PAK5: variants seen among roughly 807,000 people sequenced by gnomAD.
The protein encoded by PAK5 is serine/threonine-protein kinase PAK 5.
Under a neutral mutation model 65.9 loss-of-function variants are expected in PAK5, and 16 were observed. That is an observed-to-expected ratio of 0.24 (90% CI 0.16 to 0.37). The LOEUF (loss-of-function observed/expected upper bound fraction) is 0.37. PAK5 is among the 10% of genes least tolerant of loss of function. The pLI is 1.00. For missense variants in PAK5, 785 were observed against 903.9 expected, an observed-to-expected ratio of 0.87 and a Z score of 1.69; for synonymous variants, 371 against 354.9, an observed-to-expected ratio of 1.05 and a Z score of -0.51.
At chr20:9,641,557 G>A (rs531971596) in intron 3 of PAK5, among the ~76,000 whole-genome samples, 4 of 151,852 alleles carry the variant, frequency 2.6e-5, no homozygotes, top group Non-Finnish European at 5.9e-5. Context: ...GGCTGCAGGT[G>A]GAGCTGCCTG....
rs527669729 is a variant in PAK5, at chr20:9,554,478, T to C, written c.1743+3130A>G. On this transcript the variant is annotated intron_variant, in intron 7 of 9. Coordinates refer to ENST00000353224, the MANE Select transcript of PAK5 (RefSeq NM_177990.4). ...CATGTGAGTGAGGATGACTTCCAGA[T>C]AACTCTGGCCCCAGGCATTATCTAA... Among the ~76,000 whole-genome samples, 8 of 152,274 alleles carry C rather than the reference T, an allele frequency of 5.3e-5. No individual in the cohort carries two copies. The East Asian group carries it at 1.4e-3, about 26-fold the overall frequency.
At chr20:9,688,097 C>T (rs2047744380) in intron 2 of PAK5, among the ~76,000 whole-genome samples, 1 of 151,838 alleles carries the variant, frequency 6.6e-6, no homozygotes, top group South Asian at 2.1e-4. Context: ...AGGCCAGAGC[C>T]CTTTGGGGAG....
intron 6 of PAK5, among the ~76,000 whole-genome samples, chr20:9,562,484 A>G (rs1052522463): frequency 3.9e-5 from 6 of 152,206 alleles, no homozygotes; most frequent in Non-Finnish European, 7.3e-5. Flanking sequence ...ATTTTGATAC[A>G]AAACTTCAAG....
intron 2 of PAK5, among the ~76,000 whole-genome samples, chr20:9,669,944 C>A (rs1348589941): frequency 6.6e-6 from 1 of 151,950 alleles, no homozygotes; most frequent in East Asian, 1.9e-4. Flanking sequence ...CCACAACAGT[C>A]CCCAGAGTGT....
At chr20:9,792,702 A>G (rs1349114911) in intron 1 of PAK5, among the ~76,000 whole-genome samples, 1 of 152,184 alleles carries the variant, frequency 6.6e-6, no homozygotes, top group Admixed American at 6.6e-5. Context: ...ATATATTACC[A>G]TTTCAGAGAT....
At chr20:9,563,099 A>G (rs1449996471) in intron 5 of PAK5, 75 bp from the exon 6 acceptor site, 5 of 1,317,570 alleles carry the variant, frequency 3.8e-6, no homozygotes, top group Non-Finnish European at 5.4e-6. Context: ...CACAACTACA[A>G]TTGTAAGTAA....
intron 1 of PAK5, among the ~76,000 whole-genome samples, chr20:9,756,354 T>C (rs936720631): frequency 6.6e-6 from 1 of 152,092 alleles, no homozygotes; most frequent in Non-Finnish European, 1.5e-5. Context: ...TGGGTGGAGC[T>C]GGCCTTCAGT....
intron 2 of PAK5, among the ~76,000 whole-genome samples, chr20:9,678,399 C>G (rs1409135095): frequency 6.6e-6 from 1 of 152,178 alleles, no homozygotes; most frequent in Non-Finnish European, 1.5e-5. Context: ...AACCCCGTCT[C>G]TACTAAAAAT....
rs764070267 is a variant in PAK5 at position 9,831,224 on chromosome 20, C to T, written c.-162+7538G>A. Among the ~76,000 whole-genome samples the T allele has an allele frequency of 8.5e-4, 129 of 152,290 alleles. 1 individual carries two copies. The highest frequency in any genetic ancestry group is 5.9e-4 in the Admixed American group (9 of 15,308). Reference sequence around the variant, plus strand: ...TTTGGGGGGTGTGTGTGTGTGTGCGCGCGTGCGTGTGTTTGGGATTCCCCA... The same window carrying T: ...TTTGGGGGGTGTGTGTGTGTGTGCGTGCGTGCGTGTGTTTGGGATTCCCCA... On this transcript the variant is annotated intron_variant, in intron 1 of 9. Coordinates refer to ENST00000353224, the MANE Select transcript of PAK5 (RefSeq NM_177990.4).
chr20:9,579,576 T>A (rs1157442672), intron 4 of PAK5, among the ~76,000 whole-genome samples: 1 of 152,182 alleles, frequency 6.6e-6, no homozygotes, highest in Non-Finnish European at 1.5e-5. Flanking sequence ...CCAGCAACCA[T>A]CTGTCACCCC....
chr20:9,628,719 C>T (rs1485982256), intron 3 of PAK5, among the ~76,000 whole-genome samples: 1 of 152,144 alleles, frequency 6.6e-6, no homozygotes, highest in Non-Finnish European at 1.5e-5. Context: ...GGTGCTGTGC[C>T]TTTATCCCCT....
At chr20:9,717,084 C>CAAAAAAAAAAAAAAAAAAAAAAA (rs58508007) in intron 1 of PAK5, among the ~76,000 whole-genome samples, 1 of 122,488 alleles carries the variant, frequency 8.2e-6, no homozygotes, top group African/African-American at 3.0e-5. Context: ...GAACTTATCT[C>CAAAAAAAAAAAAAAAAAAAAAAA]AAAAAAAAAA....
chr20:9,595,810 T>C (rs2046253259), intron 3 of PAK5, among the ~76,000 whole-genome samples: 1 of 152,182 alleles, frequency 6.6e-6, no homozygotes, highest in Non-Finnish European at 1.5e-5. Flanking sequence ...GTTAGAAAGC[T>C]TGGCTTTCCT....
At chr20:9,620,923 C>T (rs1170625969) in intron 3 of PAK5, among the ~76,000 whole-genome samples, 1 of 144,186 alleles carries the variant, frequency 6.9e-6, no homozygotes, top group East Asian at 2.0e-4. Context: ...TATATTGTAA[C>T]CAAAGGTATC....
chr20:9,567,695 C>A (rs947393063), intron 4 of PAK5, among the ~76,000 whole-genome samples: 15 of 152,230 alleles, frequency 9.9e-5, no homozygotes, highest in African/African-American at 3.4e-4. Flanking sequence ...GGAGGGTCCA[C>A]CAACAGTCAA....
intron 1 of PAK5, among the ~76,000 whole-genome samples, chr20:9,721,124 CAA>C (rs2048207892): frequency 6.6e-6 from 1 of 151,992 alleles, no homozygotes; most frequent in Non-Finnish European, 1.5e-5. Flanking sequence ...GATAAATATG[CAA>C]AATAAAACAT....
intron 1 of PAK5, among the ~76,000 whole-genome samples, chr20:9,731,518 G>C (rs1018600557): frequency 6.6e-6 from 1 of 152,126 alleles, no homozygotes. Context: ...TTCAAGTCTA[G>C]AGGAACTCTG....
At chr20:9,768,538 T>C (rs903210365) in intron 1 of PAK5, among the ~76,000 whole-genome samples, 2 of 152,076 alleles carry the variant, frequency 1.3e-5, no homozygotes, top group African/African-American at 4.8e-5. Context: ...ATCCCAGCAC[T>C]TTGGGAGGCC....
At chr20:9,690,426 G>T (rs1343247017) in intron 2 of PAK5, among the ~76,000 whole-genome samples, 3 of 152,290 alleles carry the variant, frequency 2.0e-5, no homozygotes, top group Non-Finnish European at 4.4e-5. Context: ...GGATTTGAGT[G>T]CAGGGTAGTT....
Sources: gnomAD v4.1 joint callset for allele counts (sites outside exome capture counted in the v4.1 genomes callset) on GRCh38, gnomAD v4.1.1 for gene constraint, MANE v1.5 for transcripts, NCBI Gene and HGNC (gene_info 2026-07-23, HGNC 2026-07-21) for gene names.